Variants in RGS9 observed in about 807,000 individuals in gnomAD.
RGS9 encodes regulator of G protein signaling 9, also known as regulator of G-protein signalling 9.
In RGS9, 78 loss-of-function variants were observed where a neutral mutation model predicts 102.0. The ratio of observed to expected loss-of-function variants is 0.76; its 90% CI spans 0.64 to 0.92. The LOEUF is 0.92. Among genes scored for constraint, RGS9 ranks in the 40% least tolerant of loss-of-function variants. The pLI, the probability that RGS9 is intolerant of heterozygous loss-of-function variation, is 0.00. For synonymous variants in RGS9, 353 were observed against 318.6 expected (o/e 1.11, Z -1.15); for missense variants, 833 against 866.1 (o/e 0.96, Z 0.48).
intron 13 of RGS9, among the ~76,000 whole-genome samples, chr17:65,199,832 A>T (rs1912755930): frequency 6.8e-6 from 1 of 146,192 alleles, no homozygotes; most frequent in Non-Finnish European, 1.5e-5. Context: ...TATTTCCTTC[A>T]TTCCTTTTTA....
At position 65,225,060 on chromosome 17, in the gene RGS9, C is replaced by T. The variant is rs772220423; in HGVS notation, c.1466C>T (p.Pro489Leu). The change falls in exon 18 of 19, where the codon CCC (proline) becomes CTC (leucine). Residue 489 changes from proline (P) to leucine (L), a missense_variant. Around this residue, in one of 3 missense-constraint regions of RGS9, gnomAD observed 320 missense variants for 276.8 expected, o/e 1.16. Coordinates refer to ENST00000262406, the MANE Select transcript of RGS9 (RefSeq NM_003835.4). ...ACCGTGTACACCGGGACCTGCATGC[C>T]CCCGTCTCCTTCTAGCCCCTTCTCC... is the stretch of plus-strand genomic sequence containing the variant. Reference protein sequence around the residue: ...HLTVYTGTCMPPSPSSPFSSS... With the variant: ...HLTVYTGTCMLPSPSSPFSSS... 1 of 1,614,006 alleles carries T rather than the reference C, an allele frequency of 6.2e-7. No homozygotes were observed. The highest frequency in any genetic ancestry group is 1.1e-5 in the South Asian group (1 of 91,080).
At position 65,150,029 on chromosome 17, in the gene RGS9, TAAGC is replaced by T. The variant is rs569913840; in HGVS notation, c.58-3389_58-3386del. ...CAGTGCCAGAAGACTAATGATGGTGTAAGCAAGGTGGCTAAATGGAGGGGAAGCA... is the reference window on the plus strand; with the variant it reads ...CAGTGCCAGAAGACTAATGATGGTGTAAGGTGGCTAAATGGAGGGGAAGCA... On this transcript the variant is annotated intron_variant, in intron 1 of 18. Transcript: ENST00000262406. Among the ~76,000 whole-genome samples the T allele has an allele frequency of 2.3e-4, 35 of 152,340 alleles. No individual in the cohort carries two copies. In the South Asian group the frequency reaches 6.8e-3, roughly 30 times the overall value.
intron 2 of RGS9, among the ~76,000 whole-genome samples, 158 bp from the exon 3 acceptor site, chr17:65,158,137 G>A (rs1024145640): frequency 2.6e-5 from 4 of 152,154 alleles, no homozygotes; most frequent in African/African-American, 9.7e-5. Context: ...CTGCAGAGCT[G>A]GGACTGAGCA....
intron 17 of RGS9, among the ~76,000 whole-genome samples, chr17:65,212,416 C>A (rs9907018): frequency 6.6e-6 from 1 of 152,248 alleles, no homozygotes; most frequent in South Asian, 2.1e-4. Context: ...CCCCTGCTAG[C>A]TGGTGACAGA....
chr17:65,180,372 G>A (rs962867159), intron 9 of RGS9, among the ~76,000 whole-genome samples: 1 of 151,638 alleles, frequency 6.6e-6, no homozygotes, highest in South Asian at 2.1e-4. Flanking sequence ...TTTTTGAGAC[G>A]GAGTCCTGCT....
At chr17:65,142,764 G>A (rs1438854478) in intron 1 of RGS9, among the ~76,000 whole-genome samples, 1 of 151,844 alleles carries the variant, frequency 6.6e-6, no homozygotes, top group Non-Finnish European at 1.5e-5. Flanking sequence ...TGTGTTTTTA[G>A]TAGAGACGGG....
intron 17 of RGS9, among the ~76,000 whole-genome samples, chr17:65,215,497 G>GTTCTTTCTTTCTTTCTTTCTTTCT (rs779043184): frequency 3.5e-4 from 47 of 133,644 alleles, no homozygotes; most frequent in East Asian, 9.1e-4. Context: ...TCGTTCTTTC[G>GTTCTTTCTTTCTTTCTTTCTTTCT]TTCTTTCTTT....
At chr17:65,183,743 C>T (rs1271564976) in intron 9 of RGS9, among the ~76,000 whole-genome samples, 1 of 152,120 alleles carries the variant, frequency 6.6e-6, no homozygotes, top group African/African-American at 2.4e-5. Flanking sequence ...CTTGCTTGGC[C>T]CCCCACCTGA....
intron 15 of RGS9, among the ~76,000 whole-genome samples, chr17:65,205,091 G>A (rs1485792498): frequency 6.6e-6 from 1 of 152,138 alleles, no homozygotes. Flanking sequence ...TTAACAAAGT[G>A]CGAATGCGGT....
chr17:65,163,064 A>C lies in RGS9; in HGVS notation c.475A>C (p.Ile159Leu). 6.2e-7 allele frequency: 1 copy of C among 1,604,178 alleles called. No homozygotes were observed. Among genetic ancestry groups the C allele is most frequent in the Non-Finnish European group, 8.5e-7 (1 of 1,172,620 alleles). Residue 159 changes from isoleucine to leucine, a missense_variant, in exon 7 of 19, where the codon ATT (isoleucine) becomes CTT (leucine). Physicochemically the swap from Ile to Leu is conservative, Grantham distance 5. Around this residue, in one of 3 missense-constraint regions of RGS9, gnomAD observed 328 missense variants for 340.6 expected, o/e 0.96. Transcript: ENST00000262406. ...AATGAACTATAAGTGGGACTTTGTC[A>C]TTATGCAGGCCAAAGAGCAGTACAG... ...QKMNYKWDFV[I>L]MQAKEQYRAG...
rs1905757387 is a variant in RGS9, at chr17:65,227,593, C to G, written c.*186C>G. On this transcript the variant is annotated 3_prime_UTR_variant, in exon 19 of 19. Transcript: ENST00000262406. ...CTGGCTGGTTACCAGGGGCCAACTC[C>G]TTCTCCTCTTCCTGACCCTCCCTCC... 1 of 751,284 alleles carries G rather than the reference C, an allele frequency of 1.3e-6. No homozygotes were observed. The highest frequency in any genetic ancestry group is 2.2e-6 in the Non-Finnish European group (1 of 454,530). 46.5% of individuals were successfully genotyped at this position (751,284 alleles called of 1,614,324 possible).
At chr17:65,200,829 A>G (rs1912804202) in intron 13 of RGS9, among the ~76,000 whole-genome samples, 1 of 152,224 alleles carries the variant, frequency 6.6e-6, no homozygotes, top group South Asian at 2.1e-4. Flanking sequence ...GATGAACTGC[A>G]TAGCCTAGAA....
rs527266552 is a variant in RGS9 at position 65,223,106 on chromosome 17, A to G, written c.1408-1896A>G. On this transcript the variant is annotated intron_variant, in intron 17 of 18. Transcript: ENST00000262406. ...TGGGTGGCTCTGTGGAGCATGCAAT[A>G]ATCCACAATAGTGGATTTGCAATTA... is the stretch of plus-strand genomic sequence containing the variant. Among the ~76,000 whole-genome samples the G allele has an allele frequency of 1.1e-3, 162 of 152,380 alleles. 1 individual carries two copies. Among genetic ancestry groups the G allele is most frequent in the Non-Finnish European group, 1.9e-3 (132 of 68,034 alleles).
At chr17:65,201,744 C>T (rs1275046327) in intron 13 of RGS9, among the ~76,000 whole-genome samples, 1 of 152,116 alleles carries the variant, frequency 6.6e-6, no homozygotes, top group African/African-American at 2.4e-5. Context: ...TTTCTAAGGC[C>T]ACGTATTGAG....
intron 1 of RGS9, among the ~76,000 whole-genome samples, chr17:65,144,279 T>C (rs1276317249): frequency 2.0e-5 from 3 of 152,188 alleles, no homozygotes; most frequent in African/African-American, 7.2e-5. Context: ...CTTCTCCAGC[T>C]TAAAGGAAAA....
intron 17 of RGS9, among the ~76,000 whole-genome samples, chr17:65,215,489 GTTCTTTCGTTCTTTCTTTCTTTCTTTCT>G (rs1219520764): frequency 1.1e-3 from 125 of 116,188 alleles, no homozygotes; most frequent in African/African-American, 3.9e-3. Flanking sequence ...TCTTTCTTTC[GTTCTTTCGTTCTTTCTTTCTTTCTTTCT>G]TTCTTTCTTT....
intron 4 of RGS9, 96 bp from the exon 5 acceptor site, chr17:65,160,440 G>A (rs547521393): frequency 1.6e-5 from 25 of 1,569,508 alleles, no homozygotes; most frequent in Non-Finnish European, 2.1e-5. Flanking sequence ...AAATGGTGGA[G>A]GGGGCCAAGG....
chr17:65,180,336 TTTCTTTTTTTCTTTTCTA>T (rs1911827003), intron 9 of RGS9, among the ~76,000 whole-genome samples: 1 of 151,892 alleles, frequency 6.6e-6, no homozygotes, highest in African/African-American at 2.4e-5. Context: ...TCGATCCTTC[TTTCTTTTTTTCTTTTCTA>T]TTCTTTTTTT....
chr17:65,159,450 C>T (rs1252160125), intron 3 of RGS9, among the ~76,000 whole-genome samples: 1 of 152,048 alleles, frequency 6.6e-6, no homozygotes, highest in Non-Finnish European at 1.5e-5. Flanking sequence ...AACTTTAGGA[C>T]TTGGTCTTTG....
Sources: gnomAD v4.1 joint callset for allele counts (sites outside exome capture counted in the v4.1 genomes callset) on GRCh38, gnomAD v4.1.1 for gene constraint, gnomAD v4.1.1 regional missense constraint, MANE v1.5 for transcripts, NCBI Gene and HGNC (gene_info 2026-07-23, HGNC 2026-07-21) for gene names.